The following IFI44L variants were observed in gnomAD, a reference collection of about 807,000 sequenced individuals.
IFI44L encodes the protein interferon induced protein 44 like, also known as interferon-induced protein 44-like.
IFI44L carries 40 observed loss-of-function variants against 39.3 expected under a neutral mutation model. The observed-to-expected ratio is 1.02, with a 90% CI of 0.79 to 1.33. The LOEUF (loss-of-function observed/expected upper bound fraction) is 1.33, where lower values mean the gene tolerates loss of function less well. IFI44L is among the 40% of genes most tolerant of loss of function. The pLI is 0.00. For missense variants in IFI44L, 623 were observed against 549.0 expected, an observed-to-expected ratio of 1.13 and a Z score of -1.35; for synonymous variants, 198 against 182.3, an observed-to-expected ratio of 1.09 and a Z score of -0.69.
chr1:78,622,891 A>G (rs1652328490), intron 1 of IFI44L, among the ~76,000 whole-genome samples: 1 of 152,240 alleles, frequency 6.6e-6, no homozygotes, highest in Non-Finnish European at 1.5e-5. Context: ...CATTCAGAAG[A>G]GTCTGCAGCT....
chr1:78,639,050 T>C (rs1487342801), intron 6 of IFI44L, among the ~76,000 whole-genome samples: 3 of 152,060 alleles, frequency 2.0e-5, no homozygotes, highest in African/African-American at 7.2e-5. Context: ...GTGCCCCATA[T>C]AGGATACCCT....
chr1:78,641,929 G>A lies in IFI44L; in HGVS notation c.*120G>A. 1 of 1,131,784 alleles carries A rather than the reference G, an allele frequency of 8.8e-7. No individual in the cohort carries two copies. Among genetic ancestry groups the A allele is most frequent in the East Asian group, 2.3e-5 (1 of 42,582 alleles). 70.1% of individuals were successfully genotyped at this position (1,131,784 alleles called of 1,614,324 possible). A position where few individuals can be genotyped will look rare whatever the true frequency, so the allele number is the denominator to read the frequency against. On this transcript the variant is annotated 3_prime_UTR_variant, in exon 9 of 9. Coordinates refer to ENST00000370751, the MANE Select transcript of IFI44L (RefSeq NM_006820.4). Reference sequence around the variant, plus strand: ...TTTGTTCGTTTTGCCTTCTGTCCTTGGAACAGTCATATCTCAAGTTCAAAG... The same window carrying A: ...TTTGTTCGTTTTGCCTTCTGTCCTTAGAACAGTCATATCTCAAGTTCAAAG...
At chr1:78,638,580 C>A (rs1653037398) in intron 6 of IFI44L, among the ~76,000 whole-genome samples, 7 of 152,048 alleles carry the variant, frequency 4.6e-5, no homozygotes, top group Admixed American at 3.9e-4. Context: ...CATCACTTTG[C>A]CCTCTCCATT....
chr1:78,641,907 G>T lies in IFI44L; in HGVS notation c.*98G>T, dbSNP rs923621768. ...ACAGCCTGCTTCAGATTTTGCTTTT[G>T]TTCGTTTTGCCTTCTGTCCTTGGAA... On this transcript the variant is annotated 3_prime_UTR_variant, in exon 9 of 9. Transcript: ENST00000370751. 1.6e-5 allele frequency: 22 copies of T among 1,358,094 alleles called. No individual in the cohort carries two copies. The highest frequency in any genetic ancestry group is 6.3e-6 in the Non-Finnish European group (6 of 947,530). 84.1% of individuals were successfully genotyped at this position (1,358,094 alleles called of 1,614,324 possible).
rs377510268 is a variant in IFI44L, at chr1:78,635,628, A to G, written c.876+139A>G. The G allele has an allele frequency of 6.9e-4, 481 of 701,126 alleles. 7 individuals are homozygous for G. The South Asian group carries it at 8.5e-3, about 12-fold the overall frequency. 43.4% of individuals were successfully genotyped at this position (701,126 alleles called of 1,614,324 possible). A position where few individuals can be genotyped will look rare whatever the true frequency, so the allele number is the denominator to read the frequency against. On this transcript the variant is annotated intron_variant, in intron 5 of 8. Coordinates refer to ENST00000370751, the MANE Select transcript of IFI44L (RefSeq NM_006820.4). ...CAACACTATTCTACTTTGAATGAAT[A>G]AGAATTCATATGAAAAAGTAGAGTG...
chr1:78,634,882 C>A (rs1652882264), intron 4 of IFI44L, among the ~76,000 whole-genome samples: 1 of 150,600 alleles, frequency 6.6e-6, no homozygotes. Flanking sequence ...TTAAAATAAC[C>A]AGTTACAAAT....
At chr1:78,635,632 A>G in intron 5 of IFI44L, 143 bp downstream of exon 5, 1 of 693,310 alleles carries the variant, frequency 1.4e-6, no homozygotes, top group Non-Finnish European at 2.4e-6. Context: ...ATGAATAAGA[A>G]TTCATATGAA....
intron 4 of IFI44L, among the ~76,000 whole-genome samples, chr1:78,634,225 A>G (rs1474919749): frequency 6.6e-6 from 1 of 152,178 alleles, no homozygotes; most frequent in Non-Finnish European, 1.5e-5. Context: ...ACTGAGAGAA[A>G]AGTCCCCAGT....
intron 6 of IFI44L, among the ~76,000 whole-genome samples, chr1:78,638,446 T>C (rs1397049778): frequency 6.6e-6 from 1 of 152,110 alleles, no homozygotes; most frequent in Non-Finnish European, 1.5e-5. Context: ...TTTGGAACTC[T>C]GGGACATGAA....
rs149701624 is a variant in IFI44L at position 78,633,969 on chromosome 1, T to C, written c.724-1368T>C. Among the ~76,000 whole-genome samples the C allele has an allele frequency of 6.5e-3, 989 of 152,060 alleles. 17 individuals are homozygous for C. Among genetic ancestry groups the C allele is most frequent in the Admixed American group, 0.014 (218 of 15,266 alleles). Reference sequence around the variant, plus strand: ...GAAATAGAGAGCATCAACAGCAGAATTGATCAAGTAGAAGAGTCTGTGAAC... The same window carrying C: ...GAAATAGAGAGCATCAACAGCAGAACTGATCAAGTAGAAGAGTCTGTGAAC... On this transcript the variant is annotated intron_variant, in intron 4 of 8. Coordinates refer to ENST00000370751, the MANE Select transcript of IFI44L (RefSeq NM_006820.4).
At chr1:78,632,950 G>T (rs536783999) in intron 4 of IFI44L, among the ~76,000 whole-genome samples, 23 of 152,240 alleles carry the variant, frequency 1.5e-4, no homozygotes, top group African/African-American at 5.1e-4. Flanking sequence ...CAACACTTAA[G>T]AGCAGGAGGG....
At chr1:78,630,695 T>G (rs1422117678) in intron 4 of IFI44L, among the ~76,000 whole-genome samples, 1 of 152,198 alleles carries the variant, frequency 6.6e-6, no homozygotes, top group Admixed American at 6.6e-5. Context: ...GACAGCATAA[T>G]AAGACAGTAA....
chr1:78,625,519 CT>C (rs1652452561), intron 1 of IFI44L, among the ~76,000 whole-genome samples: 1 of 151,924 alleles, frequency 6.6e-6, no homozygotes, highest in East Asian at 1.9e-4. Flanking sequence ...CATTCTTTCC[CT>C]TTTTTCCCTT....
chr1:78,642,076 A>G lies in IFI44L; in HGVS notation c.*267A>G. ...TTTAAACCACTGGAGGAAAAATGAG[A>G]TATTCTCTAATTTATTCTTCTATAA... On this transcript the variant is annotated 3_prime_UTR_variant, in exon 9 of 9. Transcript: ENST00000370751. 7 of 559,502 alleles carry G rather than the reference A, an allele frequency of 1.3e-5. No homozygotes were observed. In the South Asian group the frequency reaches 1.5e-4, roughly 12 times the overall value. 34.7% of individuals were successfully genotyped at this position (559,502 alleles called of 1,614,324 possible). A position where few individuals can be genotyped will look rare whatever the true frequency, so the allele number is the denominator to read the frequency against.
At chr1:78,630,218 A>T (rs1229450936) in intron 4 of IFI44L, 1 of 233,692 alleles carries the variant, frequency 4.3e-6, no homozygotes, top group African/African-American at 2.3e-5. Flanking sequence ...CATTTTACTC[A>T]TGTACTACAT....
chr1:78,624,680 T>C (rs565115789), intron 1 of IFI44L, among the ~76,000 whole-genome samples: 82 of 152,310 alleles, frequency 5.4e-4, no homozygotes, highest in African/African-American at 1.9e-3. Context: ...AAGTGGGCTA[T>C]CAAAATCTCC....
chr1:78,623,155 A>G (rs1342412360), intron 1 of IFI44L, among the ~76,000 whole-genome samples: 2 of 152,170 alleles, frequency 1.3e-5, no homozygotes, highest in Non-Finnish European at 1.5e-5. Context: ...TACTTCCTTT[A>G]TAATTCAGGT....
At chr1:78,631,408 A>C (rs1451492289) in intron 4 of IFI44L, 1 of 152,136 alleles carries the variant, frequency 6.6e-6, no homozygotes, top group Admixed American at 6.6e-5. Context: ...TCTGCGTTTC[A>C]TGGCCCAATG....
At position 78,629,747 on chromosome 1, in the gene IFI44L, C is replaced by CA. The variant is rs759777306; in HGVS notation, c.556dup (p.Arg186LysfsTer4). The CA allele has an allele frequency of 6.2e-7, 1 of 1,613,156 alleles. No homozygotes were observed. The highest frequency in any genetic ancestry group is 1.1e-5 in the South Asian group (1 of 90,990). ...ACAGAAATAGGCTTCTAGCAGACAT[C>CA]AGAGACTATAGGCCCTATGCAGACT... On this transcript the variant is annotated frameshift_variant, in exon 4 of 9. Transcript: ENST00000370751. LOFTEE classifies it high-confidence loss of function.
Sources: allele counts gnomAD v4.1 joint callset (sites outside exome capture counted in the v4.1 genomes callset), GRCh38; gene constraint gnomAD v4.1.1; transcripts MANE v1.5; gene names NCBI Gene and HGNC (gene_info 2026-07-23, HGNC 2026-07-21).